Variants in ANKRD36C observed in about 807,000 individuals in gnomAD.
ANKRD36C encodes ankyrin repeat domain-containing protein 36C.
Under a neutral mutation model 276.4 loss-of-function variants are expected in ANKRD36C, and 61 were observed. The ratio of observed to expected loss-of-function variants is 0.22; its 90% confidence interval spans 0.18 to 0.27. The LOEUF is 0.27. ANKRD36C is among the 10% of genes least tolerant of loss of function. The pLI is 1.00. For missense variants in ANKRD36C, 1,447 were observed against 2,032.3 expected, an observed-to-expected ratio of 0.71 and a Z score of 5.54; for synonymous variants, 483 against 680.1, an observed-to-expected ratio of 0.71 and a Z score of 4.51.
chr2:95,959,197 T>A (rs1573804191), intron 10 of ANKRD36C, among the ~76,000 whole-genome samples: 1 of 152,222 alleles, frequency 6.6e-6, no homozygotes, highest in Admixed American at 6.6e-5. Context: ...ACCATTATAC[T>A]ACAAATATTT....
At chr2:95,944,515 T>C in intron 19 of ANKRD36C, 112 bp downstream of exon 19, 1 of 1,131,978 alleles carries the variant, frequency 8.8e-7, no homozygotes, top group Non-Finnish European at 1.2e-6. Flanking sequence ...ATTTTCCAAA[T>C]AAAACAATTT....
At chr2:95,925,914 C>T (rs1488450234) in intron 28 of ANKRD36C, among the ~76,000 whole-genome samples, 6 of 151,574 alleles carry the variant, frequency 4.0e-5, no homozygotes, top group Admixed American at 3.9e-4. Flanking sequence ...AATGCTACTG[C>T]ATGTTTTTCA....
chr2:95,958,445 C>T (rs1678381494), intron 12 of ANKRD36C, 146 bp downstream of exon 12: 2 of 1,129,526 alleles, frequency 1.8e-6, no homozygotes, highest in Non-Finnish European at 2.5e-6. Context: ...ATCACCATCA[C>T]TCAAGAACTT....
chr2:95,917,804 T>A, intron 36 of ANKRD36C, 51 bp downstream of exon 38: 2 of 1,553,712 alleles, frequency 1.3e-6, no homozygotes, highest in South Asian at 2.4e-5. Context: ...GGTAGAGAAG[T>A]TCTTTTCTAT....
intron 40 of ANKRD36C, among the ~76,000 whole-genome samples, chr2:95,912,723 G>A (rs1398438332): frequency 6.6e-6 from 1 of 151,374 alleles, no homozygotes; most frequent in South Asian, 2.1e-4. Context: ...TGAGTGATGA[G>A]GACAAATGTG....
intron 58 of ANKRD36C, among the ~76,000 whole-genome samples, chr2:95,876,927 T>C (rs1675972112): frequency 1.4e-5 from 2 of 146,360 alleles, no homozygotes; most frequent in Admixed American, 1.4e-4. Context: ...TAATCTTTAG[T>C]ATAATATTTA....
intron 5 of ANKRD36C, among the ~76,000 whole-genome samples, chr2:95,978,427 C>T (rs1041917691): frequency 1.2e-4 from 19 of 152,142 alleles, no homozygotes; most frequent in African/African-American, 4.1e-4. Context: ...CAGCTTGACA[C>T]AATGGAAAGT....
chr2:95,981,878 AAACT>A (rs1678930309), intron 4 of ANKRD36C, among the ~76,000 whole-genome samples: 2 of 152,138 alleles, frequency 1.3e-5, no homozygotes. Context: ...TAGAAATGAA[AAACT>A]AACATGAAAC....
intron 36 of ANKRD36C, among the ~76,000 whole-genome samples, chr2:95,916,642 C>T (rs1290261151): frequency 1.3e-5 from 2 of 151,614 alleles, no homozygotes; most frequent in Non-Finnish European, 3.0e-5. Flanking sequence ...ATTCCGATGA[C>T]CCTTCAGTTG....
At chr2:95,927,841 A>G (rs1298793664) in intron 26 of ANKRD36C, among the ~76,000 whole-genome samples, 21 of 151,626 alleles carry the variant, frequency 1.4e-4, no homozygotes, top group Non-Finnish European at 2.5e-4. Flanking sequence ...AACTTGCCCA[A>G]TAACTAGAAG....
Position 95,919,973 on chromosome 2 carries a change from T to C in ANKRD36C, c.2245+1634A>G, listed in dbSNP as rs1677221431. On this transcript the variant is annotated intron_variant, in intron 34 of 66. Transcript: ENST00000456556. ...CTCATATATAAATATGATAAAGTTA[T>C]CCATACATTCACACAGTGTTAGCAT... 12 of 1,503,444 alleles carry C rather than the reference T, an allele frequency of 8.0e-6. 2 individuals are homozygous for C. The allele number at this position is 1,503,444 out of a possible 1,614,324, so 93.1% of individuals were successfully genotyped here. A position where few individuals can be genotyped will look rare whatever the true frequency, so the allele number is the denominator to read the frequency against.
chr2:95,987,310 T>G, intron 1 of ANKRD36C, 104 bp from the exon 2 acceptor site: 1 of 1,478,564 alleles, frequency 6.8e-7, no homozygotes, highest in African/African-American at 1.4e-5. Flanking sequence ...GTGAAGAAAG[T>G]ACATTTGTTA....
chr2:95,948,617 A>C (rs1294899457), intron 16 of ANKRD36C, 21 bp from the exon 17 acceptor site: 9 of 1,532,704 alleles, frequency 5.9e-6, no homozygotes, highest in African/African-American at 1.4e-5. Context: ...AAAAGATATG[A>C]AAAAAATGAG....
In ANKRD36C at chr2:95,973,006, C is replaced by T. The variant is rs559410449; in HGVS notation, c.799+5116G>A. ...ACACCTGTAGTCCCAACTACTCCAA[C>T]GGCTGAGGCAGGAAGATTGCTTGAG... On this transcript the variant is annotated intron_variant, in intron 6 of 66. Transcript: ENST00000456556. Among the ~76,000 whole-genome samples the T allele has an allele frequency of 2.8e-4, 42 of 152,206 alleles. No individual in the cohort carries two copies. The East Asian group carries it at 8.1e-3, about 29-fold the overall frequency.
At chr2:95,912,921 G>T (rs1676978148) in intron 40 of ANKRD36C, among the ~76,000 whole-genome samples, 2 of 151,244 alleles carry the variant, frequency 1.3e-5, no homozygotes, top group East Asian at 2.0e-4. Context: ...TCAGTTGAAT[G>T]TACACTTCAC....
intron 42 of ANKRD36C, among the ~76,000 whole-genome samples, chr2:95,911,374 T>G (rs1676918683): frequency 6.6e-6 from 1 of 151,506 alleles, no homozygotes; most frequent in Non-Finnish European, 1.5e-5. Context: ...AAATGATCAC[T>G]CTAGGACTTA....
chr2:95,950,353 A>T (rs377599348), intron 16 of ANKRD36C, among the ~76,000 whole-genome samples: 17 of 150,462 alleles, frequency 1.1e-4, no homozygotes, highest in East Asian at 1.0e-3. Context: ...CTCTAAAGAC[A>T]GTTAATATAT....
intron 46 of ANKRD36C, 143 bp from the exon 67 acceptor site, chr2:95,890,137 A>T: frequency 9.0e-7 from 1 of 1,117,316 alleles, no homozygotes; most frequent in Non-Finnish European, 1.3e-6. Context: ...GTCGGGGACA[A>T]GAACATGACA....
At position 95,896,453 on chromosome 2, in the gene ANKRD36C, A is replaced by G. The variant is rs1173679519; in HGVS notation, c.2755+2692T>C. ...TTGTGTCTAAAATACTCTTGTTGGG[A>G]GTATCGTGTTATTCTCTAAAGAAGT... On this transcript the variant is annotated intron_variant, in intron 44 of 66. Transcript: ENST00000456556. Among the ~76,000 whole-genome samples the G allele has an allele frequency of 2.7e-5, 4 of 149,588 alleles. 1 individual carries two copies. Among genetic ancestry groups the G allele is most frequent in the Non-Finnish European group, 4.5e-5 (3 of 66,990 alleles).
Sources: allele counts gnomAD v4.1 joint callset (sites outside exome capture counted in the v4.1 genomes callset), GRCh38; gene constraint gnomAD v4.1.1; transcripts MANE v1.5; gene names NCBI Gene and HGNC (gene_info 2026-07-23, HGNC 2026-07-21).